The following CEP164 variants were observed in gnomAD, a reference collection of about 807,000 sequenced individuals.
The protein encoded by CEP164 is centrosomal protein of 164 kDa.
In CEP164, 162 loss-of-function variants were observed where a neutral mutation model predicts 182.7. The observed-to-expected ratio is 0.89, with a 90% CI of 0.78 to 1.01. The LOEUF is 1.01. CEP164 is among the 50% of genes least tolerant of loss of function. The pLI is 0.00. For synonymous variants in CEP164, 661 were observed against 690.0 expected (o/e 0.96, Z 0.66); for missense variants, 1,735 against 1,790.4 (o/e 0.97, Z 0.56).
chr11:117,380,813 G>A, intron 12 of CEP164, 108 bp downstream of exon 12: 1 of 963,506 alleles, frequency 1.0e-6, no homozygotes, highest in Non-Finnish European at 1.6e-6. Context: ...CAGTTGCTTG[G>A]CAGCAGGTGA....
rs749786253 is a variant in CEP164 at position 117,371,454 on chromosome 11, AG to A, written c.1141del (p.Asp381ThrfsTer12). On this transcript the variant is annotated frameshift_variant, in exon 9 of 33. Coordinates refer to ENST00000278935, the MANE Select transcript of CEP164 (RefSeq NM_014956.5). LOFTEE classifies it high-confidence loss of function. Reference protein sequence around the residue: ...KASALEEGSSDASQELEISEH... With the variant: ...KASALEEGSSXASQELEISEH... ...CTTCTGCTCTGGAAGAGGGCAGTTC[AG>A]ACGCCAGCCAAGTAAGTCACTGTAT... 6.2e-7 allele frequency: 1 copy of A among 1,608,930 alleles called. No homozygotes were observed. Among genetic ancestry groups the A allele is most frequent in the Non-Finnish European group, 8.5e-7 (1 of 1,177,906 alleles).
chr11:117,388,527 C>G (rs2044209858), intron 15 of CEP164, among the ~76,000 whole-genome samples: 1 of 152,186 alleles, frequency 6.6e-6, no homozygotes, highest in Non-Finnish European at 1.5e-5. Flanking sequence ...CTGGGAACTT[C>G]CATGTGGTAG....
intron 27 of CEP164, among the ~76,000 whole-genome samples, chr11:117,400,081 A>G (rs568500684): frequency 1.7e-4 from 26 of 152,254 alleles, no homozygotes; most frequent in African/African-American, 6.0e-4. Flanking sequence ...CCTGAATGGT[A>G]TTGCCTAGGT....
intron 4 of CEP164, among the ~76,000 whole-genome samples, chr11:117,347,710 C>CAAA (rs560974958): frequency 8.5e-6 from 1 of 117,524 alleles, no homozygotes; most frequent in Non-Finnish European, 1.8e-5. Context: ...AACTCCATCT[C>CAAA]AAAAAAAAAA....
chr11:117,378,673 G>C (rs912438856), intron 11 of CEP164, among the ~76,000 whole-genome samples: 11 of 152,144 alleles, frequency 7.2e-5, no homozygotes, highest in Non-Finnish European at 1.6e-4. Context: ...TTCCTCATCT[G>C]GATCCTTTGC....
At chr11:117,355,901 C>T (rs934792873) in intron 5 of CEP164, 5 of 1,040,806 alleles carry the variant, frequency 4.8e-6, no homozygotes, top group Non-Finnish European at 4.6e-6. Context: ...AGGGAGGGCT[C>T]CCGAGGAGCC....
At chr11:117,390,951 C>T (rs772508090) in intron 16 of CEP164, 43 bp downstream of exon 16, 53 of 1,613,788 alleles carry the variant, frequency 3.3e-5, no homozygotes, top group Middle Eastern at 3.3e-4. Context: ...CCTGCGGAGG[C>T]GACCCCAGGG....
Position 117,344,206 on chromosome 11 carries a change from C to G in CEP164, c.123C>G (p.Ile41Met). 6.2e-7 allele frequency: 1 copy of G among 1,613,606 alleles called. No individual in the cohort carries two copies. The highest frequency in any genetic ancestry group is 1.3e-5 in the African/African-American group (1 of 75,026). The change falls in exon 4 of 33, where the codon ATC (isoleucine) becomes ATG (methionine). Residue 41 changes from isoleucine (I) to methionine (M), a missense_variant. Coordinates refer to ENST00000278935, the MANE Select transcript of CEP164 (RefSeq NM_014956.5). ...CCCGGGAGATTGGTATTGATCCCAT[C>G]AAGGAACCAGAACTGATGTGGCTGG... ...EFAREIGIDP[I>M]KEPELMWLAR...
intron 4 of CEP164, among the ~76,000 whole-genome samples, chr11:117,347,497 G>A (rs921591296): frequency 2.6e-5 from 4 of 152,076 alleles, no homozygotes; most frequent in African/African-American, 9.7e-5. Context: ...GATCACTTGA[G>A]GTTGGGAGTT....
chr11:117,358,059 G>C (rs942265441), intron 5 of CEP164, among the ~76,000 whole-genome samples: 4 of 152,206 alleles, frequency 2.6e-5, no homozygotes, highest in Non-Finnish European at 4.4e-5. Context: ...TTATCCAGTT[G>C]TTCCCTCTGC....
Position 117,397,296 on chromosome 11 carries a change from C to T in CEP164, c.3484C>T (p.Arg1162Cys), listed in dbSNP as rs138487235. ...AGGCATCAAGGCCCTGGAAGATATG[C>T]GCAAGAACCTGGAGAAGGTCAGGAG... ...PPGIKALEDM[R>C]KNLEKETRHL... is the part of the protein sequence containing the mutation. Residue 1162 changes from arginine to cysteine, a missense_variant, in exon 27 of 33, where the codon CGC (arginine) becomes TGC (cysteine). Coordinates refer to ENST00000278935, the MANE Select transcript of CEP164 (RefSeq NM_014956.5). 44 of 1,612,626 alleles carry T rather than the reference C, an allele frequency of 2.7e-5. No homozygotes were observed. Among genetic ancestry groups the T allele is most frequent in the Middle Eastern group, 1.9e-4 (1 of 5,302 alleles).
intron 27 of CEP164, among the ~76,000 whole-genome samples, chr11:117,401,823 T>G (rs989726172): frequency 1.3e-5 from 2 of 152,182 alleles, no homozygotes; most frequent in Non-Finnish European, 2.9e-5. Flanking sequence ...AGTGGTAATA[T>G]TCCATTTATT....
intron 30 of CEP164, 182 bp downstream of exon 30, chr11:117,410,147 T>G: frequency 1.4e-6 from 1 of 726,346 alleles, no homozygotes; most frequent in Non-Finnish European, 2.5e-6. Context: ...TGTGGGTCCC[T>G]GGGGAAGGAG....
In CEP164 at chr11:117,394,230, T is replaced by C. The variant is rs1391862953; in HGVS notation, c.2617-120T>C. 1.5e-6 allele frequency: 2 copies of C among 1,342,270 alleles called. No individual in the cohort carries two copies. Among genetic ancestry groups the C allele is most frequent in the African/African-American group, 2.9e-5 (2 of 68,542 alleles). The allele number at this position is 1,342,270 out of a possible 1,614,324, so 83.1% of individuals were successfully genotyped here. Reference sequence around the variant, plus strand: ...CCTCCTCTTCTCCAAGAGCTGGCTTTAGGGAGCCGATGGTGTCCCTGATCT... The same window carrying C: ...CCTCCTCTTCTCCAAGAGCTGGCTTCAGGGAGCCGATGGTGTCCCTGATCT... On this transcript the variant is annotated intron_variant, in intron 20 of 32. Coordinates refer to ENST00000278935, the MANE Select transcript of CEP164 (RefSeq NM_014956.5). The surrounding 1 kb of genome is among the most constrained non-coding windows in gnomAD (Gnocchi z 4.0).
Position 117,390,901 on chromosome 11 carries a change from C to A in CEP164, c.2059C>A (p.Gln687Lys), listed in dbSNP as rs765547739. 2 of 1,613,658 alleles carry A rather than the reference C, an allele frequency of 1.2e-6. No homozygotes were observed. Among genetic ancestry groups the A allele is most frequent in the Non-Finnish European group, 1.7e-6 (2 of 1,180,004 alleles). ...VQSSTQADED[Q>K]IRAEQEASLQ... ...GTCCAGCACACAAGCAGATGAGGACCAAATCAGGTAAGTGTGTGCTTACCT... is the reference window on the plus strand; with the variant it reads ...GTCCAGCACACAAGCAGATGAGGACAAAATCAGGTAAGTGTGTGCTTACCT... Residue 687 changes from glutamine to lysine, a missense_variant, in exon 16 of 33, where the codon CAA (glutamine) becomes AAA (lysine). Coordinates refer to ENST00000278935, the MANE Select transcript of CEP164 (RefSeq NM_014956.5).
chr11:117,385,599 A>G (rs1288378461), intron 14 of CEP164: 1 of 152,336 alleles, frequency 6.6e-6, no homozygotes, highest in African/African-American at 2.4e-5. Context: ...ATCTCAGGGA[A>G]AAAAGATGTT....
At chr11:117,328,166 G>C (rs1353297570) in intron 1 of CEP164, 3 of 152,296 alleles carry the variant, frequency 2.0e-5, no homozygotes, top group Admixed American at 2.0e-4. Context: ...AAATCTCGCC[G>C]GCTCCTGAGC....
At chr11:117,362,055 C>T in intron 6 of CEP164, 62 bp downstream of exon 6, 1 of 1,426,534 alleles carries the variant, frequency 7.0e-7, no homozygotes, top group Non-Finnish European at 9.5e-7. Flanking sequence ...TGTGCCATAC[C>T]AGGAACTATG....
At chr11:117,326,005 G>C (rs532527023), upstream of CEP164, among the ~76,000 whole-genome samples, 1 of 150,458 alleles carries the variant, frequency 6.6e-6, no homozygotes, top group Admixed American at 6.6e-5. Flanking sequence ...CCGCCTCCTG[G>C]GTTCAAGCGA....
Sources: allele counts gnomAD v4.1 joint callset (sites outside exome capture counted in the v4.1 genomes callset), GRCh38; gene constraint gnomAD v4.1.1; non-coding constraint Gnocchi (gnomAD v3.1); transcripts MANE v1.5; gene names NCBI Gene and HGNC (gene_info 2026-07-23, HGNC 2026-07-21).